Variants in ARRB1 observed in about 807,000 individuals in gnomAD.
ARRB1 encodes the protein beta-arrestin-1.
In ARRB1, 21 loss-of-function variants were observed where a neutral mutation model predicts 56.8. The observed-to-expected ratio is 0.37, with a 90% confidence interval of 0.26 to 0.53. ARRB1 has a LOEUF of 0.53. ARRB1 is among the 20% of genes least tolerant of loss of function. ARRB1 has a pLI of 0.88. For synonymous variants in ARRB1, 210 were observed against 218.6 expected, an observed-to-expected ratio of 0.96 and a Z score of 0.35; for missense variants, 424 against 553.7, an observed-to-expected ratio of 0.77 and a Z score of 2.35.
At chr11:75,271,678 C>A in intron 13 of ARRB1, 23 bp downstream of exon 13, 1 of 1,559,146 alleles carries the variant, frequency 6.4e-7, no homozygotes, top group East Asian at 2.4e-5. Context: ...GGTGGGTGAA[C>A]CAGGTGGAAG....
chr11:75,309,335 T>C (rs657561), intron 1 of ARRB1, among the ~76,000 whole-genome samples: 97,852 of 152,246 alleles, frequency 0.64, 32,141 homozygotes, highest in Non-Finnish European at 0.71. Flanking sequence ...AATCATTCAT[T>C]TGAGAACTTG....
intron 2 of ARRB1, among the ~76,000 whole-genome samples, chr11:75,289,108 TC>T (rs1170935224): frequency 6.6e-6 from 1 of 152,114 alleles, no homozygotes; most frequent in Non-Finnish European, 1.5e-5. Context: ...ACTGATGTTA[TC>T]TACTGTGGAC....
At chr11:75,289,681 T>G (rs1372031544) in intron 2 of ARRB1, among the ~76,000 whole-genome samples, 1 of 152,120 alleles carries the variant, frequency 6.6e-6, no homozygotes, top group Non-Finnish European at 1.5e-5. Context: ...GGGGACTCAC[T>G]CCCCCACGGC....
intron 1 of ARRB1, among the ~76,000 whole-genome samples, chr11:75,334,484 C>G (rs533993549): frequency 5.0e-4 from 76 of 152,176 alleles, no homozygotes; most frequent in Non-Finnish European, 7.6e-4. Flanking sequence ...ATTTGACAGA[C>G]AGCAGGACAG....
At chr11:75,307,510 G>A (rs1298708412) in intron 1 of ARRB1, among the ~76,000 whole-genome samples, 1 of 152,164 alleles carries the variant, frequency 6.6e-6, no homozygotes, top group Non-Finnish European at 1.5e-5. Flanking sequence ...AGAGTCCCAG[G>A]AAACAGAAGT....
At chr11:75,322,283 A>G (rs986781292) in intron 1 of ARRB1, among the ~76,000 whole-genome samples, 2 of 152,236 alleles carry the variant, frequency 1.3e-5, no homozygotes, top group Non-Finnish European at 2.9e-5. Flanking sequence ...AGGCAGATGG[A>G]TCACCTGAGG....
At chr11:75,313,027 C>T (rs373630353) in intron 1 of ARRB1, among the ~76,000 whole-genome samples, 2 of 152,162 alleles carry the variant, frequency 1.3e-5, no homozygotes, top group South Asian at 2.1e-4. Flanking sequence ...TCCCATTCTG[C>T]GGACCAGGAA....
At chr11:75,270,263 T>A (rs984468329) in intron 13 of ARRB1, among the ~76,000 whole-genome samples, 1 of 151,906 alleles carries the variant, frequency 6.6e-6, no homozygotes, top group African/African-American at 2.4e-5. Context: ...GGCAGATCCC[T>A]TGAGCTCAGG....
intron 1 of ARRB1, among the ~76,000 whole-genome samples, chr11:75,293,867 C>G (rs977822223): frequency 4.6e-5 from 7 of 152,176 alleles, no homozygotes; most frequent in African/African-American, 7.2e-5. Context: ...CCTCTCCTCC[C>G]GGGGCTTCAT....
At chr11:75,308,260 G>A (rs1421083148) in intron 1 of ARRB1, among the ~76,000 whole-genome samples, 1 of 152,204 alleles carries the variant, frequency 6.6e-6, no homozygotes, top group East Asian at 1.9e-4. Flanking sequence ...ATAAGCAAGA[G>A]GCAGAAACCA....
chr11:75,327,163 G>A (rs1056286928), intron 1 of ARRB1, among the ~76,000 whole-genome samples: 1 of 151,562 alleles, frequency 6.6e-6, no homozygotes. Context: ...TTAGCTGGGC[G>A]CAGTGGCGGG....
chr11:75,328,504 C>T (rs939916664), intron 1 of ARRB1, among the ~76,000 whole-genome samples: 3 of 152,204 alleles, frequency 2.0e-5, no homozygotes, highest in Non-Finnish European at 4.4e-5. Flanking sequence ...CAGATGGTGA[C>T]TTGAACTGAA....
Position 75,287,308 on chromosome 11 carries a change from G to T in ARRB1, c.112+7C>A. ...CCCAGCCCTCCTCTCGCCCTCCAGG[G>T]ACTCACCCACAGGGTCCACGAGGTC... On this transcript the variant is annotated splice_region_variant and intron_variant, in intron 3 of 15. Coordinates refer to ENST00000420843, the MANE Select transcript of ARRB1 (RefSeq NM_004041.5). 1 of 1,552,836 alleles carries T rather than the reference G, an allele frequency of 6.4e-7. No homozygotes were observed. The highest frequency in any genetic ancestry group is 8.7e-7 in the Non-Finnish European group (1 of 1,147,568).
At chr11:75,278,958 A>G (rs1278672259) in intron 7 of ARRB1, among the ~76,000 whole-genome samples, 4 of 152,186 alleles carry the variant, frequency 2.6e-5, no homozygotes, top group Non-Finnish European at 5.9e-5. Context: ...CTGTGGCTGC[A>G]CTTCATTTGG....
intron 1 of ARRB1, among the ~76,000 whole-genome samples, chr11:75,347,255 C>A (rs1947784115): frequency 6.6e-6 from 1 of 152,220 alleles, no homozygotes; most frequent in Non-Finnish European, 1.5e-5. Flanking sequence ...CTTGATGCTA[C>A]CACTCCCAGC....
intron 11 of ARRB1, among the ~76,000 whole-genome samples, chr11:75,273,392 G>A (rs912938992): frequency 5.9e-5 from 9 of 152,192 alleles, no homozygotes; most frequent in East Asian, 1.9e-4. Flanking sequence ...GGACTTCTCC[G>A]CAGAGGTGGT....
At chr11:75,289,699 G>A (rs981290531) in intron 2 of ARRB1, among the ~76,000 whole-genome samples, 2 of 152,146 alleles carry the variant, frequency 1.3e-5, no homozygotes, top group Non-Finnish European at 2.9e-5. Flanking sequence ...GGCCCTCGGC[G>A]CTTACTGGTT....
chr11:75,303,900 C>A (rs561162944), intron 1 of ARRB1, among the ~76,000 whole-genome samples: 1 of 152,294 alleles, frequency 6.6e-6, no homozygotes, highest in South Asian at 2.1e-4. Flanking sequence ...ACAGAAACTG[C>A]GACTTCAGTC....
intron 1 of ARRB1, among the ~76,000 whole-genome samples, chr11:75,297,628 G>A (rs879505615): frequency 6.6e-6 from 1 of 151,954 alleles, no homozygotes; most frequent in Non-Finnish European, 1.5e-5. Flanking sequence ...ACTTTGGGAG[G>A]CTGAGGCGGG....
Sources: gnomAD v4.1 joint callset for allele counts (sites outside exome capture counted in the v4.1 genomes callset) on GRCh38, gnomAD v4.1.1 for gene constraint, MANE v1.5 for transcripts, NCBI Gene and HGNC (gene_info 2026-07-23, HGNC 2026-07-21) for gene names.